Variants in DLX4 observed in about 807,000 individuals in gnomAD.
The protein encoded by DLX4 is homeobox protein DLX-4.
DLX4 carries 13 observed loss-of-function variants against 17.1 expected under a neutral mutation model. The ratio of observed to expected loss-of-function variants is 0.76; its 90% confidence interval spans 0.49 to 1.21. The LOEUF (loss-of-function observed/expected upper bound fraction) is 1.21, where lower values mean the gene tolerates loss of function less well. Ranked by LOEUF, DLX4 falls within the 50% of genes most tolerant of loss-of-function variation. The pLI is 0.00. For missense variants in DLX4, 297 were observed against 301.4 expected (o/e 0.99, Z 0.11); for synonymous variants, 129 against 140.3 (o/e 0.92, Z 0.57).
In DLX4 at chr17:49,969,405, A is replaced by C. The variant is rs1905417408; in HGVS notation, c.-64A>C. 8 of 1,465,636 alleles carry C rather than the reference A, an allele frequency of 5.5e-6. No individual in the cohort carries two copies. In the South Asian group the frequency reaches 1.1e-4, roughly 21 times the overall value. The allele number at this position is 1,465,636 out of a possible 1,614,324, so 90.8% of individuals were successfully genotyped here. A position where few individuals can be genotyped will look rare whatever the true frequency, so the allele number is the denominator to read the frequency against. On this transcript the variant is annotated 5_prime_UTR_variant, in exon 1 of 3. Transcript: ENST00000240306. The stretch of plus-strand genomic sequence containing the variant: ...GCCCAACGCCGGAGGCTTGGAAAAG[A>C]GAGTTGGCAGCGGGAGCGGACTACG...
intron 2 of DLX4, 192 bp from the exon 3 acceptor site, chr17:49,973,509 C>G: frequency 1.0e-6 from 1 of 954,350 alleles, no homozygotes; most frequent in Non-Finnish European, 1.6e-6. Flanking sequence ...GACAGGGAGA[C>G]ATGGATACTA....
intron 1 of DLX4, among the ~76,000 whole-genome samples, chr17:49,971,133 T>G (rs1434333450): frequency 6.6e-6 from 1 of 152,164 alleles, no homozygotes; most frequent in African/African-American, 2.4e-5. Flanking sequence ...GGTGGGAATA[T>G]CATGACCTTG....
rs777534237 is a variant in DLX4, at chr17:49,969,656, C to T, written c.188C>T (p.Ala63Val). 1.2e-5 allele frequency: 20 copies of T among 1,610,222 alleles called. No individual in the cohort carries two copies. In the Admixed American group the frequency reaches 1.5e-4, roughly 12 times the overall value. ...CTGTCTTACCCCTACACCGAGCCAG[C>T]GAACCCCGGAGACTCCTACCTGTCC... is the stretch of plus-strand genomic sequence containing the variant. ...HLLSYPYTEP[A>V]NPGDSYLSCQ... Residue 63 changes from alanine to valine, a missense_variant, in exon 1 of 3, where the codon GCG (alanine) becomes GTG (valine). Transcript: ENST00000240306.
Position 49,972,785 on chromosome 17 carries a change from C to G in DLX4, c.284-288C>G. On this transcript the variant is annotated intron_variant, in intron 1 of 2. Transcript: ENST00000240306. The surrounding 1 kb of genome is among the most constrained non-coding windows in gnomAD (Gnocchi z 5.4). ...CTCCCACCGCAGGCGCCGCGGTACCCTGGCTGTGGCCCTCGGCGCTTTCTT... is the reference window on the plus strand; with the variant it reads ...CTCCCACCGCAGGCGCCGCGGTACCGTGGCTGTGGCCCTCGGCGCTTTCTT... 7.2e-7 allele frequency: 1 copy of G among 1,389,652 alleles called. No homozygotes were observed. The highest frequency in any genetic ancestry group is 9.3e-7 in the Non-Finnish European group (1 of 1,077,430). 86.1% of individuals were successfully genotyped at this position (1,389,652 alleles called of 1,614,324 possible).
chr17:49,973,129 G>T lies in DLX4; in HGVS notation c.340G>T (p.Ala114Ser), dbSNP rs780722446. The T allele has an allele frequency of 1.2e-6, 2 of 1,613,912 alleles. No individual in the cohort carries two copies. Among genetic ancestry groups the T allele is most frequent in the South Asian group, 2.2e-5 (2 of 91,078 alleles). The change falls in exon 2 of 3, where the codon GCC becomes TCC. Residue 114 changes from alanine to serine, a missense_variant. By Grantham distance (99) the Ala-to-Ser change is moderately conservative. Transcript: ENST00000240306. ...EPSERRPQAPAKKLRKPRTIY... is the reference protein window; with the variant it reads ...EPSERRPQAPSKKLRKPRTIY... The stretch of plus-strand genomic sequence containing the variant: ...CTCCGAGCGGCGCCCTCAGGCCCCC[G>T]CCAAAAAGCTCCGCAAGCCGAGGAC...
chr17:49,973,579 C>T (rs1905604326), intron 2 of DLX4, 122 bp from the exon 3 acceptor site: 2 of 1,305,430 alleles, frequency 1.5e-6, no homozygotes, highest in South Asian at 1.5e-5. Context: ...CAAATGTTCC[C>T]AGCCTAGGGA....
chr17:49,974,048 GT>G lies in DLX4; in HGVS notation c.*109del. The G allele has an allele frequency of 7.1e-7, 1 of 1,402,430 alleles. No homozygotes were observed. The highest frequency in any genetic ancestry group is 9.4e-7 in the Non-Finnish European group (1 of 1,068,040). The allele number at this position is 1,402,430 out of a possible 1,614,324, so 86.9% of individuals were successfully genotyped here. ...CTGGGAGGAAACCAGCTCCAGATGG[GT>G]TTTCTCTGGAGGACAAGCAGTTAGA... On this transcript the variant is annotated 3_prime_UTR_variant, in exon 3 of 3. Coordinates refer to ENST00000240306, the MANE Select transcript of DLX4 (RefSeq NM_138281.3).
intron 1 of DLX4, 128 bp downstream of exon 1, chr17:49,969,879 G>C: frequency 3.0e-6 from 1 of 333,224 alleles, no homozygotes; most frequent in Non-Finnish European, 5.1e-6. Context: ...TGGGATGTGG[G>C]GGTGGGGGGA....
rs901811666 is a variant in DLX4 at position 49,969,733 on chromosome 17, C to G, written c.265C>G (p.Pro89Ala). The change falls in exon 1 of 3, where the codon CCT (proline) becomes GCT (alanine). Residue 89 changes from proline to alanine, a missense_variant. Coordinates refer to ENST00000240306, the MANE Select transcript of DLX4 (RefSeq NM_138281.3). The stretch of plus-strand genomic sequence containing the variant: ...GCCCCTCTGCGGACCTGCAGAGCAC[C>G]CTCAGGAACTCGAGGCAGGTAAGTT... ...SQPLCGPAEH[P>A]QELEADSEKP... 1.3e-6 allele frequency: 2 copies of G among 1,597,030 alleles called. No individual in the cohort carries two copies.
At chr17:49,973,018 G>A (rs1905570052) in intron 1 of DLX4, 55 bp from the exon 2 acceptor site, 2 of 1,595,270 alleles carry the variant, frequency 1.3e-6, no homozygotes, top group African/African-American at 1.3e-5. Context: ...GAAACTGTCC[G>A]TCCTACCCCC....
At position 49,973,978 on chromosome 17, in the gene DLX4, C is replaced by G. The variant is rs762568207; in HGVS notation, c.*35C>G. 1.0e-4 allele frequency: 157 copies of G among 1,573,388 alleles called. No individual in the cohort carries two copies. In the Admixed American group the frequency reaches 2.7e-3, roughly 27 times the overall value. On this transcript the variant is annotated 3_prime_UTR_variant, in exon 3 of 3. Coordinates refer to ENST00000240306, the MANE Select transcript of DLX4 (RefSeq NM_138281.3). ...AGGGCGGGTCAGGCCCACAGCCTTC[C>G]TGCAAAGCCCAGGACCCAGGCAGTC...
chr17:49,969,393 G>A lies in DLX4; in HGVS notation c.-76G>A, dbSNP rs1567906083. On this transcript the variant is annotated 5_prime_UTR_variant, in exon 1 of 3. Transcript: ENST00000240306. ...GGGGCCCGTCCGGCCCAACGCCGGA[G>A]GCTTGGAAAAGAGAGTTGGCAGCGG... The A allele has an allele frequency of 4.1e-6, 6 of 1,458,006 alleles. No individual in the cohort carries two copies. The highest frequency in any genetic ancestry group is 5.4e-6 in the Non-Finnish European group (6 of 1,108,196). The allele number at this position is 1,458,006 out of a possible 1,614,324, so 90.3% of individuals were successfully genotyped here. A position where few individuals can be genotyped will look rare whatever the true frequency, so the allele number is the denominator to read the frequency against.
At position 49,969,248 on chromosome 17, in the gene DLX4, G is replaced by T. The variant is rs953352611; in HGVS notation, c.-221G>T. On this transcript the variant is annotated 5_prime_UTR_variant, in exon 1 of 3. Transcript: ENST00000240306. The stretch of plus-strand genomic sequence containing the variant: ...AGGGGGCCCCCATGGATTTAGGGGG[G>T]GAGGGGAAAGTCATGGGGGGCACCC... 1.7e-5 allele frequency: 7 copies of T among 416,986 alleles called. No individual in the cohort carries two copies. The highest frequency in any genetic ancestry group is 7.7e-5 in the East Asian group (2 of 25,842). 25.8% of individuals were successfully genotyped at this position (416,986 alleles called of 1,614,324 possible).
At chr17:49,970,569 T>G (rs898125751) in intron 1 of DLX4, among the ~76,000 whole-genome samples, 1 of 152,248 alleles carries the variant, frequency 6.6e-6, no homozygotes, top group Non-Finnish European at 1.5e-5. Context: ...GCGGAGAACC[T>G]GGCCCGTCTT....
chr17:49,972,585 G>A lies in DLX4; in HGVS notation c.284-488G>A, dbSNP rs1466777392. 1 of 381,842 alleles carries A rather than the reference G, an allele frequency of 2.6e-6. No individual in the cohort carries two copies. The highest frequency in any genetic ancestry group is 3.7e-6 in the Non-Finnish European group (1 of 270,574). The allele number at this position is 381,842 out of a possible 1,614,324, so 23.7% of individuals were successfully genotyped here. A position where few individuals can be genotyped will look rare whatever the true frequency, so the allele number is the denominator to read the frequency against. Reference sequence around the variant, plus strand: ...AGCCGGGCCTCTCACCCACCCCGCTGGCCGCAGCCGGAGGCTGCCACGCGG... The same window carrying A: ...AGCCGGGCCTCTCACCCACCCCGCTAGCCGCAGCCGGAGGCTGCCACGCGG... On this transcript the variant is annotated intron_variant, in intron 1 of 2. Coordinates refer to ENST00000240306, the MANE Select transcript of DLX4 (RefSeq NM_138281.3). This position sits in a 1 kb window ranked among gnomAD's most constrained non-coding sequence, Gnocchi z 5.4.
In DLX4 at chr17:49,974,457, A is replaced by G. The variant is rs1391601488; in HGVS notation, c.*514A>G. The G allele has an allele frequency of 2.6e-5, 4 of 151,826 alleles. No homozygotes were observed. Among genetic ancestry groups the G allele is most frequent in the Non-Finnish European group, 5.9e-5 (4 of 68,036 alleles). 9.4% of individuals were successfully genotyped at this position (151,826 alleles called of 1,614,324 possible). On this transcript the variant is annotated 3_prime_UTR_variant, in exon 3 of 3. Coordinates refer to ENST00000240306, the MANE Select transcript of DLX4 (RefSeq NM_138281.3). ...GACCACCATCAGCTCCCACCCACCC[A>G]GCGATTTTTCCTTGGAGGTCAGCCC... is the stretch of plus-strand genomic sequence containing the variant.
In DLX4 at chr17:49,972,720, T is replaced by A. The variant is rs1024558759; in HGVS notation, c.284-353T>A. The A allele has an allele frequency of 3.7e-6, 5 of 1,366,094 alleles. No homozygotes were observed. In the African/African-American group the frequency reaches 7.4e-5, roughly 20 times the overall value. The allele number at this position is 1,366,094 out of a possible 1,614,324, so 84.6% of individuals were successfully genotyped here. ...TGGACCTAGCCTTTCTGCCCCGCCC[T>A]ACCCCAAGCTGGCGCCACCGCCCGT... is the stretch of plus-strand genomic sequence containing the variant. On this transcript the variant is annotated intron_variant, in intron 1 of 2. Coordinates refer to ENST00000240306, the MANE Select transcript of DLX4 (RefSeq NM_138281.3). The surrounding 1 kb of genome is among the most constrained non-coding windows in gnomAD (Gnocchi z 5.4).
In DLX4 at chr17:49,973,260, C is replaced by G. The variant is rs139118373; in HGVS notation, c.471C>G (p.Thr157=). Residue 157 remains threonine, a synonymous_variant, in exon 2 of 3, where the codon ACC becomes ACG. Transcript: ENST00000240306. The part of the protein sequence containing the change: ...RAQLAAQLGL[T]QTQVKIWFQN... ...AGCTGGCAGCGCAGCTCGGCCTCAC[C>G]CAGACCCAGGTGGGGCCAGTGTCGT... 7.0e-4 allele frequency: 1,137 copies of G among 1,613,826 alleles called. 2 individuals carry two copies. The highest frequency in any genetic ancestry group is 2.4e-3 in the Admixed American group (145 of 60,008).
Position 49,969,206 on chromosome 17 carries a change from C to G in DLX4, c.-263C>G. On this transcript the variant is annotated 5_prime_UTR_variant, in exon 1 of 3. Transcript: ENST00000240306. ...GGGGCCCCCGTCGGGTCCCGGGAAC[C>G]GAACCCGATGGAGAGGAGGGGGCCC... 2.7e-6 allele frequency: 1 copy of G among 375,024 alleles called. No individual in the cohort carries two copies. Among genetic ancestry groups the G allele is most frequent in the South Asian group, 8.3e-5 (1 of 12,016 alleles). 23.2% of individuals were successfully genotyped at this position (375,024 alleles called of 1,614,324 possible). A position where few individuals can be genotyped will look rare whatever the true frequency, so the allele number is the denominator to read the frequency against.
Sources: gnomAD v4.1 joint callset for allele counts (sites outside exome capture counted in the v4.1 genomes callset) on GRCh38, gnomAD v4.1.1 for gene constraint, Gnocchi (gnomAD v3.1) non-coding constraint, MANE v1.5 for transcripts, NCBI Gene and HGNC (gene_info 2026-07-23, HGNC 2026-07-21) for gene names.